The following STAM2 variants were observed in gnomAD, a reference collection of about 807,000 sequenced individuals.
STAM2 encodes signal transducing adaptor molecule 2.
STAM2 carries 51 observed loss-of-function variants against 65.6 expected under a neutral mutation model. That is an observed-to-expected ratio of 0.78 (90% confidence interval 0.62 to 0.98). The LOEUF (loss-of-function observed/expected upper bound fraction) is 0.98. STAM2 is among the 50% of genes least tolerant of loss of function. The pLI is 0.00. For synonymous variants in STAM2, 198 were observed against 208.4 expected, an observed-to-expected ratio of 0.95 and a Z score of 0.43; for missense variants, 584 against 617.8, an observed-to-expected ratio of 0.95 and a Z score of 0.58.
At chr2:152,142,414 G>A (rs1018487437) in intron 7 of STAM2, among the ~76,000 whole-genome samples, 2 of 152,028 alleles carry the variant, frequency 1.3e-5, no homozygotes, top group Non-Finnish European at 1.5e-5. Flanking sequence ...GTATCAAAAC[G>A]GTAAACCTAA....
At chr2:152,150,606 G>A (rs1689425779) in intron 1 of STAM2, among the ~76,000 whole-genome samples, 1 of 152,198 alleles carries the variant, frequency 6.6e-6, no homozygotes, top group Non-Finnish European at 1.5e-5. Context: ...TTCGAGACCA[G>A]CCTGGGCAAT....
intron 1 of STAM2, among the ~76,000 whole-genome samples, chr2:152,170,256 C>G (rs939201249): frequency 1.3e-5 from 2 of 151,236 alleles, no homozygotes; most frequent in East Asian, 2.0e-4. Flanking sequence ...CCAAGACGGG[C>G]GGATCACGAG....
chr2:152,134,227 T>A (rs537476535), intron 8 of STAM2, among the ~76,000 whole-genome samples: 6 of 152,172 alleles, frequency 3.9e-5, no homozygotes, highest in African/African-American at 1.4e-4. Flanking sequence ...TTTCAAATAT[T>A]TGGCTAACTT....
chr2:152,140,880 A>T (rs776678163), intron 7 of STAM2, among the ~76,000 whole-genome samples: 6 of 152,160 alleles, frequency 3.9e-5, no homozygotes, highest in Non-Finnish European at 8.8e-5. Context: ...CACGCCTGTA[A>T]TCCCAGCACT....
At chr2:152,158,761 G>C (rs1023393118) in intron 1 of STAM2, among the ~76,000 whole-genome samples, 4 of 152,050 alleles carry the variant, frequency 2.6e-5, no homozygotes, top group Admixed American at 6.6e-5. Flanking sequence ...CTGGCATCTG[G>C]TCAGGGCCTT....
At chr2:152,170,509 C>G (rs1689879355) in intron 1 of STAM2, among the ~76,000 whole-genome samples, 1 of 150,022 alleles carries the variant, frequency 6.7e-6, no homozygotes, top group South Asian at 2.1e-4. Context: ...GAATCTTGCA[C>G]CCATAAACAC....
intron 11 of STAM2, among the ~76,000 whole-genome samples, chr2:152,130,497 C>T (rs913077564): frequency 1.2e-4 from 18 of 151,818 alleles, no homozygotes; most frequent in African/African-American, 2.2e-4. Flanking sequence ...ATGATCCACC[C>T]GCCTCGGCCT....
intron 1 of STAM2, among the ~76,000 whole-genome samples, chr2:152,168,940 C>A (rs1689847965): frequency 6.6e-6 from 1 of 152,164 alleles, no homozygotes; most frequent in South Asian, 2.1e-4. Context: ...GGATCAAAGA[C>A]CTAAATGTGA....
Position 152,144,953 on chromosome 2 carries a change from A to G in STAM2, c.452T>C (p.Val151Ala). The G allele has an allele frequency of 6.2e-7, 1 of 1,613,052 alleles. No individual in the cohort carries two copies. Among genetic ancestry groups the G allele is most frequent in the East Asian group, 2.2e-5 (1 of 44,876 alleles). The change falls in exon 6 of 14, where the codon GTC becomes GCC. Residue 151 changes from valine (V) to alanine (A), a missense_variant. Physicochemically the swap from Val to Ala is moderately conservative, Grantham distance 64. Coordinates refer to ENST00000263904, the MANE Select transcript of STAM2 (RefSeq NM_005843.6). ...ITFPPAGSQTVSAAAKNGTSS... is the reference protein window; with the variant it reads ...ITFPPAGSQTASAAAKNGTSS... The stretch of plus-strand genomic sequence containing the variant: ...CGTACCATTCTTGGCAGCAGCTGAG[A>G]CAGTCTGTAAATGTATGAGTAAAAT...
intron 13 of STAM2, 79 bp from the exon 14 acceptor site, chr2:152,120,881 T>C (rs1688840683): frequency 8.9e-7 from 1 of 1,122,900 alleles, no homozygotes; most frequent in African/African-American, 1.6e-5. Context: ...ATGACAAAAA[T>C]GCCTTTTCCA....
intron 1 of STAM2, among the ~76,000 whole-genome samples, chr2:152,152,672 A>G (rs1312864707): frequency 6.6e-6 from 1 of 152,208 alleles, no homozygotes; most frequent in Non-Finnish European, 1.5e-5. Flanking sequence ...TATATCTAGG[A>G]GTAGAAATCC....
chr2:152,126,441 A>C (rs1041100780), intron 11 of STAM2, 62 bp from the exon 12 acceptor site: 1 of 1,067,784 alleles, frequency 9.4e-7, no homozygotes, highest in Non-Finnish European at 1.2e-6. Flanking sequence ...TAGTAATATA[A>C]ATTATTTTTT....
chr2:152,133,305 C>G (rs1409265537), intron 9 of STAM2, 45 bp from the exon 10 acceptor site: 1 of 1,546,426 alleles, frequency 6.5e-7, no homozygotes, highest in Non-Finnish European at 8.9e-7. Context: ...AGAGTTTTAA[C>G]TTCAGTAAAT....
intron 11 of STAM2, among the ~76,000 whole-genome samples, chr2:152,128,224 G>A (rs1249771077): frequency 3.9e-5 from 6 of 152,062 alleles, no homozygotes; most frequent in Admixed American, 1.3e-4. Flanking sequence ...TGGCTAACAC[G>A]GTGAAACCCC....
intron 5 of STAM2, among the ~76,000 whole-genome samples, chr2:152,145,656 G>A (rs1689325336): frequency 6.6e-6 from 1 of 152,224 alleles, no homozygotes; most frequent in South Asian, 2.1e-4. Flanking sequence ...AAGAAGTCAT[G>A]ATCATCACTG....
chr2:152,175,667 G>A lies in STAM2; in HGVS notation c.-25C>T. ...TCTCGCCGGCGCCCGAGCCCTAGTC[G>A]CTGCTGTCTAGCTGACACTCAGCAA... is the stretch of plus-strand genomic sequence containing the variant. On this transcript the variant is annotated 5_prime_UTR_variant, in exon 1 of 14. Coordinates refer to ENST00000263904, the MANE Select transcript of STAM2 (RefSeq NM_005843.6). 3 of 1,604,018 alleles carry A rather than the reference G, an allele frequency of 1.9e-6. No individual in the cohort carries two copies. The highest frequency in any genetic ancestry group is 2.6e-6 in the Non-Finnish European group (3 of 1,175,628).
chr2:152,123,305 G>A lies in STAM2; in HGVS notation c.1349+461C>T, dbSNP rs564008328. 6.6e-5 allele frequency among the ~76,000 whole-genome samples: 10 copies of A among 152,016 alleles called. No individual in the cohort carries two copies. The South Asian group carries it at 2.1e-3, about 31-fold the overall frequency. On this transcript the variant is annotated intron_variant, in intron 13 of 13. Transcript: ENST00000263904. ...GAGAATCGCTTGAACCTGGAAGACG[G>A]AGGTTGCAGTAAGCAGAGATCTAGC... is the stretch of plus-strand genomic sequence containing the variant.
intron 1 of STAM2, among the ~76,000 whole-genome samples, chr2:152,151,523 G>A (rs1689445613): frequency 6.6e-6 from 1 of 152,218 alleles, no homozygotes; most frequent in South Asian, 2.1e-4. Flanking sequence ...TATAATTCAT[G>A]TATCAATACA....
intron 1 of STAM2, among the ~76,000 whole-genome samples, chr2:152,170,414 T>C (rs1437134940): frequency 6.8e-6 from 1 of 146,894 alleles, no homozygotes; most frequent in Non-Finnish European, 1.5e-5. Context: ...ACCTGGGAGA[T>C]GGAGGTTGCA....
Sources: gnomAD v4.1 joint callset for allele counts (sites outside exome capture counted in the v4.1 genomes callset) on GRCh38, gnomAD v4.1.1 for gene constraint, MANE v1.5 for transcripts, NCBI Gene and HGNC (gene_info 2026-07-23, HGNC 2026-07-21) for gene names.